The following CCAR1 variants were observed in gnomAD, a reference collection of about 807,000 sequenced individuals.
CCAR1 encodes the protein cell division cycle and apoptosis regulator 1, also known as cell division cycle and apoptosis regulator protein 1.
In CCAR1, 78 loss-of-function variants were observed where a neutral mutation model predicts 163.8. The ratio of observed to expected loss-of-function variants is 0.48; its 90% CI spans 0.40 to 0.57. The LOEUF is 0.57. CCAR1 is among the 20% of genes least tolerant of loss of function. The pLI is 0.00. For synonymous variants in CCAR1, 443 were observed against 460.7 expected (o/e 0.96, Z 0.49); for missense variants, 1,019 against 1,365.2 (o/e 0.75, Z 4.00).
chr10:68,755,168 G>T (rs779582757), intron 12 of CCAR1: 1 of 741,574 alleles, frequency 1.3e-6, no homozygotes, highest in Non-Finnish European at 2.5e-6. Context: ...TATTTTAAAA[G>T]GATGAGTTAT....
Position 68,786,153 on chromosome 10 carries a change from A to G in CCAR1, c.2668A>G (p.Met890Val). ...DEEDDRDEEE[M>V]TKRDDKRDIN... ...TTTTACAGATAGGGATGAGGAAGAA[A>G]TGACCAAACGAGATGACAAAAGAGA... The change falls in exon 20 of 25, where the codon ATG becomes GTG. Residue 890 changes from methionine (M) to valine (V), a missense_variant. Physicochemically the swap from Met to Val is conservative, Grantham distance 21. Around this residue, in one of 4 missense-constraint regions of CCAR1, gnomAD observed 358 missense variants for 406.4 expected, o/e 0.88. Transcript: ENST00000265872. 3.1e-6 allele frequency: 5 copies of G among 1,612,248 alleles called. No individual in the cohort carries two copies. Among genetic ancestry groups the G allele is most frequent in the Non-Finnish European group, 4.2e-6 (5 of 1,178,648 alleles).
At chr10:68,723,142 T>C (rs1238839720) in intron 2 of CCAR1, among the ~76,000 whole-genome samples, 2 of 151,446 alleles carry the variant, frequency 1.3e-5, no homozygotes, top group Non-Finnish European at 2.9e-5. Flanking sequence ...TTATTTATTT[T>C]TTTGAGTCTT....
intron 16 of CCAR1, among the ~76,000 whole-genome samples, chr10:68,764,070 A>T (rs2056507334): frequency 1.3e-5 from 2 of 152,326 alleles, no homozygotes; most frequent in South Asian, 4.1e-4. Context: ...GATAGCTAAC[A>T]CTTACAAATA....
intron 2 of CCAR1, among the ~76,000 whole-genome samples, chr10:68,730,397 G>A (rs2133307859): frequency 6.6e-6 from 1 of 151,214 alleles, no homozygotes; most frequent in Non-Finnish European, 1.5e-5. Context: ...GAGTGCAATG[G>A]CAGGGTCTCG....
intron 17 of CCAR1, among the ~76,000 whole-genome samples, chr10:68,769,800 G>C (rs976837569): frequency 6.6e-6 from 1 of 151,678 alleles, no homozygotes; most frequent in East Asian, 1.9e-4. Context: ...AATTAGCCAG[G>C]CGTGGTGGCA....
chr10:68,761,270 AT>A, intron 16 of CCAR1, 78 bp downstream of exon 16: 1 of 645,996 alleles, frequency 1.5e-6, no homozygotes, highest in Non-Finnish European at 2.4e-6. Context: ...GTGAGTTAAG[AT>A]TATGTGTGTG....
chr10:68,750,214 C>CTT (rs58204351), intron 10 of CCAR1, among the ~76,000 whole-genome samples: 2 of 53,006 alleles, frequency 3.8e-5, no homozygotes, highest in East Asian at 7.7e-4. Context: ...TTTCTTTTTT[C>CTT]TTTTTTTTTT....
chr10:68,734,928 T>G (rs1265381971), intron 2 of CCAR1, among the ~76,000 whole-genome samples: 1 of 152,210 alleles, frequency 6.6e-6, no homozygotes, highest in Non-Finnish European at 1.5e-5. Flanking sequence ...CATTAAACAT[T>G]TAAGTACCAA....
intron 19 of CCAR1, among the ~76,000 whole-genome samples, chr10:68,780,863 C>G (rs1162012553): frequency 1.3e-5 from 2 of 152,308 alleles, no homozygotes; most frequent in East Asian, 3.9e-4. Flanking sequence ...GTTCTGATCA[C>G]TCTATCAACC....
intron 1 of CCAR1, chr10:68,721,691 C>T (rs774447197): frequency 5.3e-6 from 2 of 379,480 alleles, no homozygotes; most frequent in South Asian, 3.5e-5. Context: ...CCAGGGCTCT[C>T]GGGAGCCATC....
At chr10:68,764,956 A>T (rs188639484) in intron 16 of CCAR1, among the ~76,000 whole-genome samples, 1 of 152,140 alleles carries the variant, frequency 6.6e-6, no homozygotes, top group Non-Finnish European at 1.5e-5. Context: ...TTTGACCTCA[A>T]TACTTGAATC....
At chr10:68,726,985 CT>C (rs1256546403) in intron 2 of CCAR1, among the ~76,000 whole-genome samples, 1 of 147,322 alleles carries the variant, frequency 6.8e-6, no homozygotes, top group Non-Finnish European at 1.5e-5. Context: ...ATGAGCAAGA[CT>C]TCCTCTCAAA....
In CCAR1 at chr10:68,771,278, C is replaced by T. The variant is rs1306897992; in HGVS notation, c.2371C>T (p.Leu791=). ...DFGVRIYKSL[L]SLPEKEDKKE... ...TGGTGTCCGTATATACAAATCATTA[C>T]TGTCTCTTCCTGAGAAAGAGGACAA... is the stretch of plus-strand genomic sequence containing the variant. The change falls in exon 18 of 25, where the codon CTG becomes TTG. Residue 791 remains leucine, a synonymous_variant. Coordinates refer to ENST00000265872, the MANE Select transcript of CCAR1 (RefSeq NM_018237.4). 6.2e-7 allele frequency: 1 copy of T among 1,605,902 alleles called. No individual in the cohort carries two copies. The highest frequency in any genetic ancestry group is 1.7e-5 in the Admixed American group (1 of 59,108).
At chr10:68,783,394 C>T (rs1212448532) in intron 19 of CCAR1, among the ~76,000 whole-genome samples, 3 of 151,706 alleles carry the variant, frequency 2.0e-5, no homozygotes, top group Admixed American at 6.6e-5. Context: ...AGGATGGTCT[C>T]GATCTCCTGA....
intron 10 of CCAR1, among the ~76,000 whole-genome samples, chr10:68,751,837 C>A (rs1005280972): frequency 6.6e-6 from 1 of 151,454 alleles, no homozygotes; most frequent in Non-Finnish European, 1.5e-5. Flanking sequence ...GCACTCCAGC[C>A]TGGGAGACAG....
intron 10 of CCAR1, among the ~76,000 whole-genome samples, chr10:68,750,536 A>C (rs1366315697): frequency 6.6e-6 from 1 of 152,070 alleles, no homozygotes; most frequent in Non-Finnish European, 1.5e-5. Flanking sequence ...AGTTGCCAGG[A>C]ATTTCTGAGG....
chr10:68,745,974 A>G (rs55703310), intron 6 of CCAR1, among the ~76,000 whole-genome samples: 6,147 of 151,426 alleles, frequency 0.041, 412 homozygotes, highest in African/African-American at 0.14. Flanking sequence ...TAAATTTTTT[A>G]TTTATTTATT....
At chr10:68,787,006 A>C (rs2056802619) in intron 21 of CCAR1, 1 of 203,566 alleles carries the variant, frequency 4.9e-6, no homozygotes, top group African/African-American at 2.4e-5. Context: ...AATCTCTTGA[A>C]CCCAGGAGGT....
At chr10:68,789,453 G>A (rs921539799) in intron 23 of CCAR1, among the ~76,000 whole-genome samples, 1 of 151,870 alleles carries the variant, frequency 6.6e-6, no homozygotes, top group Non-Finnish European at 1.5e-5. Flanking sequence ...GCTGGGTGTG[G>A]TGGTACGCGC....
Sources: allele counts gnomAD v4.1 joint callset (sites outside exome capture counted in the v4.1 genomes callset), GRCh38; gene constraint gnomAD v4.1.1; regional missense constraint gnomAD v4.1.1; transcripts MANE v1.5; gene names NCBI Gene and HGNC (gene_info 2026-07-23, HGNC 2026-07-21).